The following TSPAN12 variants were observed in gnomAD, a reference collection of about 807,000 sequenced individuals.
TSPAN12 encodes the protein tetraspanin-12.
TSPAN12 carries 19 observed loss-of-function variants against 39.2 expected under a neutral mutation model. The ratio of observed to expected loss-of-function variants is 0.49; its 90% CI spans 0.34 to 0.71. TSPAN12 has a LOEUF of 0.71. Among genes scored for constraint, TSPAN12 ranks in the 30% least tolerant of loss-of-function variants. TSPAN12 has a pLI of 0.01. For synonymous variants in TSPAN12, 119 were observed against 124.8 expected (o/e 0.95, Z 0.31); for missense variants, 314 against 359.9 (o/e 0.87, Z 1.03).
At chr7:120,846,761 G>GT (rs1483810968) in intron 2 of TSPAN12, among the ~76,000 whole-genome samples, 1 of 152,200 alleles carries the variant, frequency 6.6e-6, no homozygotes, top group African/African-American at 2.4e-5. Context: ...ATATAAATAT[G>GT]TAACAGAACT....
intron 7 of TSPAN12, among the ~76,000 whole-genome samples, chr7:120,802,448 A>G (rs1793792733): frequency 6.6e-6 from 1 of 152,218 alleles, no homozygotes; most frequent in Admixed American, 6.5e-5. Flanking sequence ...AAGCTCCAGC[A>G]CATTACCCTG....
chr7:120,855,607 TTTGAGAAATTAATGCTTTAATG>T (rs1240641373), intron 2 of TSPAN12, among the ~76,000 whole-genome samples: 19 of 152,324 alleles, frequency 1.2e-4, no homozygotes, highest in African/African-American at 4.6e-4. Context: ...ATGCTTTAAT[TTTGAGAAATTAATGCTTTAATG>T]TTGAGAAAAG....
chr7:120,857,544 C>A (rs1794897972), intron 1 of TSPAN12, among the ~76,000 whole-genome samples: 1 of 152,064 alleles, frequency 6.6e-6, no homozygotes, highest in African/African-American at 2.4e-5. Flanking sequence ...GCCGATGCAG[C>A]TGTGCAGACG....
chr7:120,821,245 T>C (rs975699845), intron 4 of TSPAN12, among the ~76,000 whole-genome samples: 1 of 152,002 alleles, frequency 6.6e-6, no homozygotes, highest in African/African-American at 2.4e-5. Context: ...TGAAAAAAAA[T>C]TGCATCTAAC....
In TSPAN12 at chr7:120,788,510, A is replaced by G. The variant is rs564043759; in HGVS notation, c.*82T>C. ...TATGGCAACATTTTTATTTCTACAT[A>G]TTTCTGAAACACATAGTATGTACTC... On this transcript the variant is annotated 3_prime_UTR_variant, in exon 8 of 8. Coordinates refer to ENST00000222747, the MANE Select transcript of TSPAN12 (RefSeq NM_012338.4). 7.3e-6 allele frequency: 11 copies of G among 1,504,856 alleles called. No individual in the cohort carries two copies. The Admixed American group carries it at 1.4e-4, about 18-fold the overall frequency. 93.2% of individuals were successfully genotyped at this position (1,504,856 alleles called of 1,614,324 possible).
chr7:120,842,971 ATAGTAATTAATTACTAT>A (rs1331707835), intron 2 of TSPAN12, among the ~76,000 whole-genome samples: 1 of 152,104 alleles, frequency 6.6e-6, no homozygotes, highest in African/African-American at 2.4e-5. Context: ...AATTCAGATT[ATAGTAATTAATTACTAT>A]TAGTAATTAA....
At chr7:120,838,084 A>G (rs554945004) in intron 4 of TSPAN12, among the ~76,000 whole-genome samples, 3 of 152,232 alleles carry the variant, frequency 2.0e-5, no homozygotes, top group Non-Finnish European at 4.4e-5. Context: ...GTCTGCAACT[A>G]TATGTTAGTA....
chr7:120,826,040 C>T (rs1344673730), intron 4 of TSPAN12, among the ~76,000 whole-genome samples: 1 of 152,176 alleles, frequency 6.6e-6, no homozygotes, highest in Non-Finnish European at 1.5e-5. Flanking sequence ...CTACTCAGGA[C>T]ATGCAGAAAT....
At chr7:120,821,000 C>T (rs528903735) in intron 4 of TSPAN12, among the ~76,000 whole-genome samples, 52 of 152,136 alleles carry the variant, frequency 3.4e-4, no homozygotes, top group African/African-American at 1.2e-3. Flanking sequence ...AAGGGAATAA[C>T]GTGCAGACTC....
intron 2 of TSPAN12, among the ~76,000 whole-genome samples, chr7:120,844,632 A>C (rs953427692): frequency 9.2e-5 from 14 of 152,234 alleles, no homozygotes; most frequent in African/African-American, 3.1e-4. Context: ...CTTTAACGCC[A>C]TGTCTCACAT....
chr7:120,847,564 G>C (rs1794696331), intron 2 of TSPAN12, among the ~76,000 whole-genome samples: 1 of 152,142 alleles, frequency 6.6e-6, no homozygotes, highest in African/African-American at 2.4e-5. Flanking sequence ...CTTCAATCAT[G>C]TAAACTAGAG....
chr7:120,793,627 TC>T (rs1296136780), intron 7 of TSPAN12, among the ~76,000 whole-genome samples: 1 of 152,236 alleles, frequency 6.6e-6, no homozygotes, highest in Non-Finnish European at 1.5e-5. Context: ...TTTATGCTTC[TC>T]TATCAAGAGT....
At chr7:120,840,304 C>G (rs942683337) in intron 2 of TSPAN12, among the ~76,000 whole-genome samples, 195 bp from the exon 3 acceptor site, 1 of 152,094 alleles carries the variant, frequency 6.6e-6, no homozygotes, top group Non-Finnish European at 1.5e-5. Flanking sequence ...AATGGAATAC[C>G]ACCCAAATGG....
At chr7:120,850,580 T>C (rs1029135865) in intron 2 of TSPAN12, among the ~76,000 whole-genome samples, 10 of 152,156 alleles carry the variant, frequency 6.6e-5, no homozygotes, top group Non-Finnish European at 1.2e-4. Flanking sequence ...GAATCTTCCA[T>C]GTACTTCTCA....
intron 7 of TSPAN12, among the ~76,000 whole-genome samples, chr7:120,798,565 C>G (rs190189815): frequency 6.6e-6 from 1 of 152,320 alleles, no homozygotes; most frequent in African/African-American, 2.4e-5. Context: ...AATCCTATGA[C>G]TACATTGTCC....
At chr7:120,827,900 AG>A (rs1794319982) in intron 4 of TSPAN12, among the ~76,000 whole-genome samples, 1 of 152,206 alleles carries the variant, frequency 6.6e-6, no homozygotes. Flanking sequence ...ACCCTCAGCA[AG>A]GTCCTCTTTG....
At chr7:120,797,930 C>G (rs893001985) in intron 7 of TSPAN12, among the ~76,000 whole-genome samples, 1 of 152,200 alleles carries the variant, frequency 6.6e-6, no homozygotes, top group African/African-American at 2.4e-5. Context: ...TCAACTCATT[C>G]TCTACAATGC....
At chr7:120,824,379 T>G (rs888554189) in intron 4 of TSPAN12, among the ~76,000 whole-genome samples, 1 of 151,676 alleles carries the variant, frequency 6.6e-6, no homozygotes, top group African/African-American at 2.4e-5. Context: ...GAGGCGGAGG[T>G]TGCAGTGAGC....
chr7:120,795,684 C>T (rs569366216), intron 7 of TSPAN12, among the ~76,000 whole-genome samples: 81 of 152,226 alleles, frequency 5.3e-4, no homozygotes, highest in Middle Eastern at 3.4e-3. Context: ...TATTGATTAT[C>T]AGATGAAAAT....
Sources: allele counts gnomAD v4.1 joint callset (sites outside exome capture counted in the v4.1 genomes callset), GRCh38; gene constraint gnomAD v4.1.1; transcripts MANE v1.5; gene names NCBI Gene and HGNC (gene_info 2026-07-23, HGNC 2026-07-21).